TBC1D19: variants seen among roughly 807,000 people sequenced by gnomAD.
The protein encoded by TBC1D19 is TBC1 domain family member 19, also known as TBC1 domain family, member 19.
In TBC1D19, 60 loss-of-function variants were observed where a neutral mutation model predicts 89.0. The observed-to-expected ratio is 0.67, with a 90% CI of 0.55 to 0.84. The LOEUF (loss-of-function observed/expected upper bound fraction) is 0.84. Ranked by LOEUF, TBC1D19 falls within the 40% of genes least tolerant of loss-of-function variation. TBC1D19 has a pLI of 0.00. For synonymous variants in TBC1D19, 189 were observed against 199.7 expected, an observed-to-expected ratio of 0.95 and a Z score of 0.45; for missense variants, 500 against 610.8, an observed-to-expected ratio of 0.82 and a Z score of 1.91.
intron 9 of TBC1D19, among the ~76,000 whole-genome samples, chr4:26,671,124 CT>C: frequency 6.6e-6 from 1 of 151,610 alleles, no homozygotes; most frequent in Non-Finnish European, 1.5e-5. Flanking sequence ...TTGCTGGACA[CT>C]TTTCCACAGT....
At chr4:26,729,926 T>A (rs763410849) in intron 15 of TBC1D19, among the ~76,000 whole-genome samples, 6 of 152,160 alleles carry the variant, frequency 3.9e-5, no homozygotes, top group Non-Finnish European at 5.9e-5. Flanking sequence ...AAATATTTGG[T>A]AGATGGATAA....
chr4:26,586,691 T>C (rs570179086), intron 1 of TBC1D19, among the ~76,000 whole-genome samples: 1 of 152,300 alleles, frequency 6.6e-6, no homozygotes, highest in East Asian at 1.9e-4. Context: ...TTTGTTGAGA[T>C]TTTCCCCTTA....
chr4:26,584,106 G>A lies in TBC1D19; in HGVS notation c.-88G>A, dbSNP rs1330698502. On this transcript the variant is annotated 5_prime_UTR_variant, in exon 1 of 21. The change creates a new upstream start codon in the 5' untranslated region. Transcript: ENST00000264866. ...CCCAGTGTAATAAGGTCCCGGAGAA[G>A]TGTCACTGGCCCTGAGTGGGACCCG... 1.2e-5 allele frequency: 16 copies of A among 1,315,516 alleles called. No homozygotes were observed. In the South Asian group the frequency reaches 1.7e-4, roughly 14 times the overall value. The allele number at this position is 1,315,516 out of a possible 1,614,324, so 81.5% of individuals were successfully genotyped here. A position where few individuals can be genotyped will look rare whatever the true frequency, so the allele number is the denominator to read the frequency against.
the TBC1D19 span, among the ~76,000 whole-genome samples, chr4:26,851,304 C>CCTCTCTAT: frequency 6.8e-5 from 10 of 147,084 alleles, no homozygotes; most frequent in East Asian, 1.8e-3. Flanking sequence ...TAATAAATAC[C>CCTCTCTAT]CTATCTATCT....
chr4:26,654,295 C>G (rs1207097753), intron 7 of TBC1D19, among the ~76,000 whole-genome samples: 1 of 152,152 alleles, frequency 6.6e-6, no homozygotes, highest in Non-Finnish European at 1.5e-5. Flanking sequence ...TTCTCTCTGG[C>G]TGCCCTTAAC....
the TBC1D19 span, among the ~76,000 whole-genome samples, chr4:26,780,097 CT>C: frequency 6.6e-6 from 1 of 152,180 alleles, no homozygotes; most frequent in Non-Finnish European, 1.5e-5. Flanking sequence ...AAAAGTTAAC[CT>C]CTACAGAAGA....
chr4:26,677,248 A>C (rs919481093), intron 11 of TBC1D19, among the ~76,000 whole-genome samples: 2 of 150,738 alleles, frequency 1.3e-5, no homozygotes, highest in African/African-American at 4.9e-5. Context: ...AAATACCATC[A>C]TTTCTTGCCT....
At chr4:26,832,584 A>T in the TBC1D19 span, among the ~76,000 whole-genome samples, 1 of 152,302 alleles carries the variant, frequency 6.6e-6, no homozygotes, top group Non-Finnish European at 1.5e-5. Context: ...AACATTTCAT[A>T]TGTGTACAAT....
At chr4:26,691,056 C>G (rs1036025984) in intron 13 of TBC1D19, among the ~76,000 whole-genome samples, 1 of 152,194 alleles carries the variant, frequency 6.6e-6, no homozygotes, top group Admixed American at 6.5e-5. Flanking sequence ...GAAGTTGATT[C>G]TAACCTTCAT....
At chr4:26,794,362 TAATG>T in the TBC1D19 span, among the ~76,000 whole-genome samples, 1 of 151,652 alleles carries the variant, frequency 6.6e-6, no homozygotes, top group African/African-American at 2.4e-5. Flanking sequence ...CCAATAAAAA[TAATG>T]AAAGAATAAA....
At chr4:26,589,325 T>C (rs539848414) in intron 1 of TBC1D19, among the ~76,000 whole-genome samples, 2 of 152,290 alleles carry the variant, frequency 1.3e-5, no homozygotes, top group South Asian at 2.1e-4. Context: ...AGTAGACTGC[T>C]GTTACTTTGT....
At chr4:26,722,679 A>G (rs1717054251) in intron 15 of TBC1D19, among the ~76,000 whole-genome samples, 1 of 152,142 alleles carries the variant, frequency 6.6e-6, no homozygotes, top group Non-Finnish European at 1.5e-5. Context: ...CAAGACACCA[A>G]AAAAAATCTC....
intron 13 of TBC1D19, among the ~76,000 whole-genome samples, chr4:26,703,670 A>G (rs1715502190): frequency 6.6e-6 from 1 of 152,036 alleles, no homozygotes; most frequent in Admixed American, 6.6e-5. Flanking sequence ...ATCTGGGCCT[A>G]TGTCCGGGCA....
the TBC1D19 span, among the ~76,000 whole-genome samples, chr4:26,852,042 C>T: frequency 1.2e-4 from 19 of 152,264 alleles, no homozygotes; most frequent in Non-Finnish European, 2.5e-4. Flanking sequence ...TGGCCTCTAT[C>T]CAATTACTTA....
chr4:26,744,872 A>C (rs1160767041), intron 18 of TBC1D19, among the ~76,000 whole-genome samples: 2 of 152,264 alleles, frequency 1.3e-5, no homozygotes, highest in South Asian at 2.1e-4. Context: ...AATGTCAAGG[A>C]ATCAAGTTTG....
At chr4:26,747,492 C>T (rs572308855) in intron 18 of TBC1D19, among the ~76,000 whole-genome samples, 3 of 152,238 alleles carry the variant, frequency 2.0e-5, no homozygotes, top group East Asian at 3.9e-4. Flanking sequence ...CTTTTTCAGT[C>T]TTAAGATAAT....
the TBC1D19 span, among the ~76,000 whole-genome samples, chr4:26,843,033 A>G: frequency 1.3e-5 from 2 of 152,336 alleles, no homozygotes; most frequent in South Asian, 2.1e-4. Flanking sequence ...TTCAGGCAGC[A>G]TGCATGATAC....
At chr4:26,813,727 C>T in the TBC1D19 span, among the ~76,000 whole-genome samples, 5 of 152,194 alleles carry the variant, frequency 3.3e-5, no homozygotes, top group African/African-American at 7.2e-5. Context: ...AGTGCCAGCT[C>T]TTCCTTTTCA....
chr4:26,650,255 A>G (rs1024623566), intron 7 of TBC1D19, among the ~76,000 whole-genome samples: 26 of 152,110 alleles, frequency 1.7e-4, no homozygotes, highest in African/African-American at 6.3e-4. Flanking sequence ...GTCAAATGGT[A>G]TTTCTAGTTC....
Sources: gnomAD v4.1 joint callset for allele counts (sites outside exome capture counted in the v4.1 genomes callset) on GRCh38, gnomAD v4.1.1 for gene constraint, MANE v1.5 for transcripts, NCBI Gene and HGNC (gene_info 2026-07-23, HGNC 2026-07-21) for gene names.